The following ANKRD36C variants were observed in gnomAD, a reference collection of about 807,000 sequenced individuals.
ANKRD36C encodes ankyrin repeat domain-containing protein 36C.
ANKRD36C carries 61 observed loss-of-function variants against 276.4 expected under a neutral mutation model. The observed-to-expected ratio is 0.22, with a 90% CI of 0.18 to 0.27. The LOEUF (loss-of-function observed/expected upper bound fraction) is 0.27, where lower values mean the gene tolerates loss of function less well. Among genes scored for constraint, ANKRD36C ranks in the 10% least tolerant of loss-of-function variants. The pLI, the probability that ANKRD36C is intolerant of heterozygous loss-of-function variation, is 1.00. For missense variants in ANKRD36C, 1,447 were observed against 2,032.3 expected (o/e 0.71, Z 5.54); for synonymous variants, 483 against 680.1 (o/e 0.71, Z 4.51).
At chr2:95,917,913 C>T (rs1386266127) in exon 36 of ANKRD36C, 1 of 1,607,028 alleles carries the variant, frequency 6.2e-7, no homozygotes, top group South Asian at 1.1e-5. Flanking sequence ...CAGAATCTTC[C>T]TCGTCAGTTG....
At chr2:95,988,938 C>T (rs1197823165) in intron 1 of ANKRD36C, among the ~76,000 whole-genome samples, 6 of 152,016 alleles carry the variant, frequency 3.9e-5, no homozygotes, top group South Asian at 2.1e-4. Context: ...GAGGCCGAGG[C>T]GGGGGGATCA....
At chr2:95,953,841 A>G in intron 14 of ANKRD36C, 98 bp downstream of exon 14, 3 of 1,219,240 alleles carry the variant, frequency 2.5e-6, no homozygotes, top group Non-Finnish European at 3.3e-6. Context: ...TACTAACATA[A>G]AACAATGATA....
intron 6 of ANKRD36C, among the ~76,000 whole-genome samples, chr2:95,966,787 T>C (rs1031262055): frequency 1.6e-4 from 24 of 152,214 alleles, no homozygotes; most frequent in Non-Finnish European, 2.2e-4. Context: ...TGATTCTTTC[T>C]AACCATGAGC....
intron 36 of ANKRD36C, among the ~76,000 whole-genome samples, chr2:95,917,253 GAGCTGCCAAA>G (rs1300434888): frequency 6.6e-6 from 1 of 151,488 alleles, no homozygotes; most frequent in Non-Finnish European, 1.5e-5. Context: ...GTAGTTCCTG[GAGCTGCCAAA>G]ATCAAATATT....
At chr2:95,893,806 A>G in intron 44 of ANKRD36C, 82 bp from the exon 63 acceptor site, 1 of 1,592,766 alleles carries the variant, frequency 6.3e-7, no homozygotes, top group South Asian at 1.1e-5. Flanking sequence ...TTAGCATCAA[A>G]CTCTGTCCTC....
rs751614367 is a variant in ANKRD36C, at chr2:95,921,792, G to C, written c.2162C>G (p.Pro721Arg). The change falls in exon 33 of 67, where the codon CCA becomes CGA. Residue 721 changes from proline to arginine, a missense_variant. This residue lies in a region of ANKRD36C where 565 missense variants were observed against 539.5 expected (regional missense o/e 1.05). Coordinates refer to ENST00000456556, the Ensembl canonical transcript of ANKRD36C. The stretch of plus-strand genomic sequence containing the variant: ...TGAAAGTTTAATTACCTTCAAGGCT[G>C]GTTGTTTCTGAGAAGACACTGAAAA... 1.9e-6 allele frequency: 3 copies of C among 1,601,732 alleles called. No individual in the cohort carries two copies. The African/African-American group carries it at 4.0e-5, about 22-fold the overall frequency.
exon 64 of ANKRD36C, chr2:95,853,802 T>C (rs762550976): frequency 1.9e-6 from 3 of 1,607,942 alleles, no homozygotes; most frequent in African/African-American, 2.7e-5. Context: ...GCAAAGCTTT[T>C]GTTGCTGATC....
intron 44 of ANKRD36C, among the ~76,000 whole-genome samples, chr2:95,896,081 C>T (rs1460111873): frequency 6.7e-6 from 1 of 148,152 alleles, no homozygotes; most frequent in African/African-American, 2.5e-5. Flanking sequence ...TGAACGTACA[C>T]TTAACATATC....
At chr2:95,987,203 G>A (rs942548316) in exon 2 of ANKRD36C, 34 of 1,542,172 alleles carry the variant, frequency 2.2e-5, no homozygotes, top group African/African-American at 1.9e-4. Flanking sequence ...AATGTAGGGC[G>A]GTCCTGTGAG....
At chr2:95,925,490 A>C (rs752498673) in intron 29 of ANKRD36C, 29 bp downstream of exon 29, 1 of 1,548,222 alleles carries the variant, frequency 6.5e-7, no homozygotes, top group Non-Finnish European at 8.7e-7. Flanking sequence ...GTAATAAATA[A>C]TTCAAAATAT....
At chr2:95,911,209 G>T (rs1323999417) in intron 42 of ANKRD36C, among the ~76,000 whole-genome samples, 1 of 151,338 alleles carries the variant, frequency 6.6e-6, no homozygotes, top group Non-Finnish European at 1.5e-5. Flanking sequence ...CCTCCCAAAC[G>T]TTTCTTCATC....
At chr2:95,897,375 A>G in intron 44 of ANKRD36C, 33 bp from the exon 60 acceptor site, 3 of 1,553,290 alleles carry the variant, frequency 1.9e-6, no homozygotes, top group Non-Finnish European at 2.6e-6. Context: ...TAATAAATTA[A>G]TAAAGTATGT....
intron 59 of ANKRD36C, among the ~76,000 whole-genome samples, chr2:95,874,593 C>A (rs919384181): frequency 7.9e-5 from 12 of 152,356 alleles, no homozygotes; most frequent in African/African-American, 2.9e-4. Context: ...AAAACCTAGG[C>A]ATTACCATTC....
At chr2:95,912,097 C>G in intron 42 of ANKRD36C, 147 bp downstream of exon 44, 1 of 1,194,824 alleles carries the variant, frequency 8.4e-7, no homozygotes, top group Non-Finnish European at 1.2e-6. Flanking sequence ...GCAGCATCAG[C>G]ATAACCCAAG....
At chr2:95,916,266 G>T in intron 36 of ANKRD36C, 95 bp from the exon 39 acceptor site, 2 of 1,565,268 alleles carry the variant, frequency 1.3e-6, no homozygotes, top group Non-Finnish European at 1.7e-6. Flanking sequence ...CTGAACTCCT[G>T]CCTGTATTAG....
intron 6 of ANKRD36C, among the ~76,000 whole-genome samples, chr2:95,968,821 T>A (rs1422765979): frequency 1.3e-5 from 2 of 152,152 alleles, no homozygotes; most frequent in Non-Finnish European, 2.9e-5. Context: ...CAGGACCCCC[T>A]CTTTGGTTTG....
intron 30 of ANKRD36C, among the ~76,000 whole-genome samples, chr2:95,924,312 G>A (rs1478150094): frequency 6.6e-6 from 1 of 151,468 alleles, no homozygotes; most frequent in Non-Finnish European, 1.5e-5. Context: ...CTCTAGTTTA[G>A]CCTTCAGTAA....
At position 95,921,589 on chromosome 2, in the gene ANKRD36C, T is replaced by C. The variant is rs1677270274; in HGVS notation, c.2245+18A>G. 4.4e-6 allele frequency: 7 copies of C among 1,600,050 alleles called. No homozygotes were observed. Among genetic ancestry groups the C allele is most frequent in the Non-Finnish European group, 6.0e-6 (7 of 1,172,606 alleles). ...TATCTGGATTGAACATGACATTAAA[T>C]GTCTTTTGCAAAATTACCTGTCCCA... On this transcript the variant is annotated intron_variant, in intron 34 of 66. Coordinates refer to ENST00000456556, the Ensembl canonical transcript of ANKRD36C.
At position 95,891,919 on chromosome 2, in the gene ANKRD36C, C is replaced by T. The variant is rs536953489; in HGVS notation, c.2756-59G>A. 2.7e-5 allele frequency: 42 copies of T among 1,546,246 alleles called. 1 individual carries two copies. Among genetic ancestry groups the T allele is most frequent in the South Asian group, 1.3e-4 (11 of 83,912 alleles). Reference sequence around the variant, plus strand: ...TGTAAAAATGACAAAATTATCCACACATTCATGCAGTGTTAGCATCAACCT... The same window carrying T: ...TGTAAAAATGACAAAATTATCCACATATTCATGCAGTGTTAGCATCAACCT... On this transcript the variant is annotated intron_variant, in intron 44 of 66. Transcript: ENST00000456556.
Sources: allele counts gnomAD v4.1 joint callset (sites outside exome capture counted in the v4.1 genomes callset), GRCh38; gene constraint gnomAD v4.1.1; regional missense constraint gnomAD v4.1.1; transcripts MANE v1.5; gene names NCBI Gene and HGNC (gene_info 2026-07-23, HGNC 2026-07-21).